Variants in MAN2A1 observed in about 807,000 individuals in gnomAD.
MAN2A1 encodes the protein alpha-mannosidase 2.
A neutral mutation model predicts 142.6 loss-of-function variants in MAN2A1; 76 were observed. The ratio of observed to expected loss-of-function variants is 0.53; its 90% CI spans 0.44 to 0.65. The LOEUF is 0.65. Ranked by LOEUF, MAN2A1 falls within the 30% of genes least tolerant of loss-of-function variation. The probability of loss-of-function intolerance (pLI) is 0.00; values close to 1 mark genes in which losing one functional copy is unlikely to be tolerated. For synonymous variants in MAN2A1, 559 were observed against 473.2 expected, an observed-to-expected ratio of 1.18 and a Z score of -2.35; for missense variants, 1,311 against 1,365.1, an observed-to-expected ratio of 0.96 and a Z score of 0.62.
At chr5:109,736,085 A>G (rs750710122) in intron 4 of MAN2A1, among the ~76,000 whole-genome samples, 1 of 152,076 alleles carries the variant, frequency 6.6e-6, no homozygotes, top group Non-Finnish European at 1.5e-5. Context: ...ACAAACTAGA[A>G]TTCCAAAATA....
At chr5:109,716,499 A>G (rs2093994817) in intron 3 of MAN2A1, among the ~76,000 whole-genome samples, 3 of 152,236 alleles carry the variant, frequency 2.0e-5, no homozygotes, top group African/African-American at 7.2e-5. Context: ...ACAAAAAAGA[A>G]GGGCTTGCCT....
At chr5:109,785,779 A>G (rs1004851649) in intron 10 of MAN2A1, among the ~76,000 whole-genome samples, 2 of 152,042 alleles carry the variant, frequency 1.3e-5, no homozygotes, top group Admixed American at 6.6e-5. Flanking sequence ...AGTTTAGACT[A>G]TTCTTCCTGA....
chr5:109,853,714 G>A (rs923231288), intron 19 of MAN2A1: 3 of 152,126 alleles, frequency 2.0e-5, no homozygotes, highest in Non-Finnish European at 4.4e-5. Flanking sequence ...AGATTATGAA[G>A]TCCTTTGATC....
chr5:109,838,127 G>A (rs921843973), intron 16 of MAN2A1, among the ~76,000 whole-genome samples: 1 of 151,930 alleles, frequency 6.6e-6, no homozygotes, highest in African/African-American at 2.4e-5. Flanking sequence ...ACACTCTGAT[G>A]TAGTGGGACC....
chr5:109,724,663 T>G lies in MAN2A1; in HGVS notation c.536-4679T>G, dbSNP rs901387992. ...TAACTTTTGAGTGGAATTAATATAC[T>G]TAAAAAATCGTTATTAATAAAAATA... On this transcript the variant is annotated intron_variant, in intron 3 of 21. Transcript: ENST00000261483. 2.6e-5 allele frequency among the ~76,000 whole-genome samples: 4 copies of G among 152,030 alleles called. No individual in the cohort carries two copies. In the East Asian group the frequency reaches 5.8e-4, roughly 22 times the overall value.
At chr5:109,817,875 C>T (rs1401288189) in intron 13 of MAN2A1, among the ~76,000 whole-genome samples, 1 of 151,956 alleles carries the variant, frequency 6.6e-6, no homozygotes, top group Non-Finnish European at 1.5e-5. Flanking sequence ...ACATAACACA[C>T]CATGGAAGAG....
rs555329509 is a variant in MAN2A1 at position 109,817,330 on chromosome 5, T to C, written c.2001T>C (p.Tyr667=). ...ACCGAATCTCGTTGGTCTCAGTCTA[T>C]GTGAGTTCCCCGACAGTGCAAGTGT... ...EQDRISLVSV[Y]VSSPTVQVFS... is the part of the protein sequence containing the mutation. Residue 667 remains tyrosine (Y), a synonymous_variant, in exon 13 of 22, where the codon TAT becomes TAC. Transcript: ENST00000261483. 7 of 1,614,184 alleles carry C rather than the reference T, an allele frequency of 4.3e-6. No individual in the cohort carries two copies. Among genetic ancestry groups the C allele is most frequent in the African/African-American group, 1.3e-5 (1 of 75,050 alleles).
At chr5:109,732,317 G>A (rs550959059) in intron 4 of MAN2A1, among the ~76,000 whole-genome samples, 1 of 151,986 alleles carries the variant, frequency 6.6e-6, no homozygotes, top group African/African-American at 2.4e-5. Flanking sequence ...TAGGTTGCCT[G>A]TTCACTCTGA....
In MAN2A1 at chr5:109,811,139, T is replaced by C. The variant is rs1308598077; in HGVS notation, c.1944-6134T>C. 2.6e-5 allele frequency among the ~76,000 whole-genome samples: 4 copies of C among 152,258 alleles called. No homozygotes were observed. The East Asian group carries it at 7.7e-4, about 29-fold the overall frequency. On this transcript the variant is annotated intron_variant, in intron 12 of 21. Coordinates refer to ENST00000261483, the MANE Select transcript of MAN2A1 (RefSeq NM_002372.4). ...CCTTTTGTACCACAGATTATATATT[T>C]ATTTTTTCTACTAACTTTGTATCTT...
intron 6 of MAN2A1, 60 bp from the exon 7 acceptor site, chr5:109,770,295 A>G (rs1328296676): frequency 6.8e-7 from 1 of 1,466,450 alleles, no homozygotes; most frequent in Non-Finnish European, 9.4e-7. Context: ...GACATTTTGA[A>G]TATTTTTTGG....
intron 16 of MAN2A1, among the ~76,000 whole-genome samples, chr5:109,825,545 C>T (rs1424835298): frequency 1.3e-5 from 2 of 152,196 alleles, no homozygotes; most frequent in Non-Finnish European, 1.5e-5. Context: ...CTCTAGTTCT[C>T]ACATCATAGG....
intron 1 of MAN2A1, among the ~76,000 whole-genome samples, chr5:109,700,055 A>G (rs547756636): frequency 2.0e-5 from 3 of 152,244 alleles, no homozygotes; most frequent in Admixed American, 2.0e-4. Context: ...GAATCATGCT[A>G]TATTTCAGTT....
At position 109,867,558 on chromosome 5, in the gene MAN2A1, TA is replaced by T. The variant is rs1755918192; in HGVS notation, c.*561del. Reference sequence around the variant, plus strand: ...ATGATTTTTATACCTTTTTCTGATGTACCTCTTGACCTTCTCCTTCCCTTCC... The same window carrying T: ...ATGATTTTTATACCTTTTTCTGATGTCCTCTTGACCTTCTCCTTCCCTTCC... On this transcript the variant is annotated 3_prime_UTR_variant, in exon 22 of 22. Coordinates refer to ENST00000261483, the MANE Select transcript of MAN2A1 (RefSeq NM_002372.4). 1 of 152,644 alleles carries T rather than the reference TA, an allele frequency of 6.6e-6. No individual in the cohort carries two copies. The highest frequency in any genetic ancestry group is 2.4e-5 in the African/African-American group (1 of 41,470). 9.5% of individuals were successfully genotyped at this position (152,644 alleles called of 1,614,324 possible). A position where few individuals can be genotyped will look rare whatever the true frequency, so the allele number is the denominator to read the frequency against.
chr5:109,690,713 G>A (rs1207016053), intron 1 of MAN2A1, among the ~76,000 whole-genome samples, 161 bp downstream of exon 1: 1 of 152,126 alleles, frequency 6.6e-6, no homozygotes, highest in Non-Finnish European at 1.5e-5. Context: ...CACCTCCTGG[G>A]AGCCACCTCG....
intron 7 of MAN2A1, among the ~76,000 whole-genome samples, chr5:109,773,836 A>G (rs912501719): frequency 6.6e-6 from 1 of 152,178 alleles, no homozygotes; most frequent in Non-Finnish European, 1.5e-5. Flanking sequence ...ATTAGAATTT[A>G]CTTTTGGATG....
At chr5:109,857,118 G>T (rs1184080632) in intron 20 of MAN2A1, among the ~76,000 whole-genome samples, 1 of 152,172 alleles carries the variant, frequency 6.6e-6, no homozygotes, top group Non-Finnish European at 1.5e-5. Context: ...AGATTTCTGG[G>T]GGTAGAGTGC....
intron 16 of MAN2A1, chr5:109,840,441 G>T: frequency 4.4e-6 from 2 of 457,098 alleles, no homozygotes; most frequent in East Asian, 1.3e-4. Flanking sequence ...TTCTGCATCA[G>T]CCCATCTTTG....
chr5:109,792,835 G>C (rs1291656689), intron 12 of MAN2A1, among the ~76,000 whole-genome samples: 14 of 152,006 alleles, frequency 9.2e-5, no homozygotes. Flanking sequence ...CTTACACATG[G>C]CCTCTCCATA....
chr5:109,788,280 G>A (rs549470652), intron 10 of MAN2A1, among the ~76,000 whole-genome samples: 5 of 151,224 alleles, frequency 3.3e-5, no homozygotes, highest in Middle Eastern at 3.4e-3. Flanking sequence ...CAGCAGTAGC[G>A]GATGTATTTC....
Sources: allele counts gnomAD v4.1 joint callset (sites outside exome capture counted in the v4.1 genomes callset), GRCh38; gene constraint gnomAD v4.1.1; transcripts MANE v1.5; gene names NCBI Gene and HGNC (gene_info 2026-07-23, HGNC 2026-07-21).